GPATCH2L: variants seen among roughly 807,000 people sequenced by gnomAD.
GPATCH2L encodes G patch domain-containing protein 2-like.
Under a neutral mutation model 57.4 loss-of-function variants are expected in GPATCH2L, and 31 were observed. The ratio of observed to expected loss-of-function variants is 0.54; its 90% CI spans 0.41 to 0.73. The LOEUF is 0.73. GPATCH2L is among the 30% of genes least tolerant of loss of function. The probability of loss-of-function intolerance (pLI) is 0.00; values close to 1 mark genes in which losing one functional copy is unlikely to be tolerated. For synonymous variants in GPATCH2L, 199 were observed against 210.7 expected (o/e 0.94, Z 0.48); for missense variants, 481 against 599.9 (o/e 0.80, Z 2.07).
At position 76,208,096 on chromosome 14, in the gene GPATCH2L, A is replaced by G. The variant is rs752096602; in HGVS notation, c.*6245A>G. 1 of 152,192 alleles carries G rather than the reference A, an allele frequency of 6.6e-6. No individual in the cohort carries two copies. The highest frequency in any genetic ancestry group is 6.5e-5 in the Admixed American group (1 of 15,270). The allele number at this position is 152,192 out of a possible 1,614,324, so 9.4% of individuals were successfully genotyped here. A position where few individuals can be genotyped will look rare whatever the true frequency, so the allele number is the denominator to read the frequency against. ...CAGTTAAAACTACCTCTGGCCAAAA[A>G]TGTTAGTGTTACTAGATATTATCAA... On this transcript the variant is annotated 3_prime_UTR_variant, in exon 10 of 10. Transcript: ENST00000261530.
At chr14:76,233,733 T>TA (rs766434380) in intron 2 of GPATCH2L, among the ~76,000 whole-genome samples, 5 of 152,256 alleles carry the variant, frequency 3.3e-5, no homozygotes, top group Admixed American at 6.5e-5. Flanking sequence ...GATAAGTCCT[T>TA]AATGTCATCA....
rs894028699 is a variant in GPATCH2L, at chr14:76,203,380, G to A, written c.*1529G>A. ...GGTGTAGATGATGGGACGGGAAAGT[G>A]CTGAAACCAGCCCAGCAGACCTGTG... On this transcript the variant is annotated 3_prime_UTR_variant, in exon 10 of 10. Coordinates refer to ENST00000261530, the MANE Select transcript of GPATCH2L (RefSeq NM_017926.4). The A allele has an allele frequency of 6.6e-6, 1 of 152,120 alleles. No homozygotes were observed. The highest frequency in any genetic ancestry group is 1.5e-5 in the Non-Finnish European group (1 of 68,024). 9.4% of individuals were successfully genotyped at this position (152,120 alleles called of 1,614,324 possible).
In GPATCH2L at chr14:76,154,852, T is replaced by C. The variant is rs550282443; in HGVS notation, c.489T>C (p.Ala163=). Residue 163 remains alanine (A), a synonymous_variant, in exon 2 of 10, where the codon GCT becomes GCC. Transcript: ENST00000261530. The surrounding 1 kb of genome is among the most constrained non-coding windows in gnomAD (Gnocchi z 4.4). ...AGAGAGGCTGCAGGTTCAAGTCTGC[T>C]AAGAAGCAGCGTCTGTCCCGCTGGA... The part of the protein sequence containing the change: ...SYERGCRFKS[A]KKQRLSRWKE... 6.2e-7 allele frequency: 1 copy of C among 1,614,190 alleles called. No individual in the cohort carries two copies. Among genetic ancestry groups the C allele is most frequent in the African/African-American group, 1.3e-5 (1 of 75,058 alleles).
At chr14:76,173,016 A>T (rs1396103221) in intron 4 of GPATCH2L, among the ~76,000 whole-genome samples, 2 of 152,202 alleles carry the variant, frequency 1.3e-5, no homozygotes, top group African/African-American at 4.8e-5. Flanking sequence ...AATGGCCTAT[A>T]ATCTCATATC....
At chr14:76,217,014 G>T (rs1019402991), downstream of GPATCH2L, among the ~76,000 whole-genome samples, 1 of 152,030 alleles carries the variant, frequency 6.6e-6, no homozygotes, top group Non-Finnish European at 1.5e-5. Context: ...GGAAAAAGTG[G>T]ATCTGTTTCT....
intron 9 of GPATCH2L, among the ~76,000 whole-genome samples, chr14:76,200,212 C>T (rs2040275190): frequency 6.6e-6 from 1 of 151,974 alleles, no homozygotes; most frequent in South Asian, 2.1e-4. Flanking sequence ...TACAGAGTTT[C>T]CATTTGAGAT....
At chr14:76,214,735 T>C (rs1013662523), downstream of GPATCH2L, among the ~76,000 whole-genome samples, 1 of 152,220 alleles carries the variant, frequency 6.6e-6, no homozygotes, top group Non-Finnish European at 1.5e-5. Context: ...CCACCTGTTT[T>C]CGGGGGACAC....
chr14:76,166,774 A>G (rs767789682), intron 3 of GPATCH2L, 47 bp downstream of exon 3: 2 of 1,249,906 alleles, frequency 1.6e-6, no homozygotes, highest in African/African-American at 1.5e-5. Context: ...GTTTATGGAA[A>G]TATTTGAATA....
chr14:76,167,882 A>G (rs2038916558), intron 3 of GPATCH2L, among the ~76,000 whole-genome samples: 1 of 152,192 alleles, frequency 6.6e-6, no homozygotes, highest in African/African-American at 2.4e-5. Flanking sequence ...TTGCTTTTCT[A>G]CAGTGCTAAG....
intron 2 of GPATCH2L, among the ~76,000 whole-genome samples, chr14:76,157,213 C>T (rs989596313): frequency 6.6e-6 from 1 of 152,188 alleles, no homozygotes; most frequent in African/African-American, 2.4e-5. Context: ...TAGTTACAAA[C>T]AGAAGTGCTT....
Position 76,201,673 on chromosome 14 carries a change from C to T in GPATCH2L, c.1289-18C>T. The T allele has an allele frequency of 6.4e-7, 1 of 1,566,110 alleles. No homozygotes were observed. Among genetic ancestry groups the T allele is most frequent in the Non-Finnish European group, 8.6e-7 (1 of 1,157,592 alleles). On this transcript the variant is annotated intron_variant, in intron 9 of 9. Transcript: ENST00000261530. Reference sequence around the variant, plus strand: ...TCTCCCCTTGATGTTTTGCTCCTCTCTGTTGTAACCTTACTAGTTCACATG... The same window carrying T: ...TCTCCCCTTGATGTTTTGCTCCTCTTTGTTGTAACCTTACTAGTTCACATG...
intron 2 of GPATCH2L, among the ~76,000 whole-genome samples, chr14:76,233,787 T>C (rs7161195): frequency 0.012 from 1,822 of 152,292 alleles, 39 homozygotes; most frequent in African/African-American, 0.042. Context: ...TCATAAATAA[T>C]AGGGTTTTTT....
downstream of GPATCH2L, among the ~76,000 whole-genome samples, chr14:76,218,921 A>T (rs1334943137): frequency 6.6e-6 from 1 of 151,258 alleles, no homozygotes; most frequent in Non-Finnish European, 1.5e-5. Flanking sequence ...GTTAAGTTGG[A>T]TCTATACTTC....
chr14:76,231,649 A>ACACACT (rs1389586177), intron 2 of GPATCH2L, among the ~76,000 whole-genome samples: 1 of 149,764 alleles, frequency 6.7e-6, no homozygotes, highest in East Asian at 2.0e-4. Context: ...ACACACACAC[A>ACACACT]CTCTTCTGGT....
In GPATCH2L at chr14:76,208,044, A is replaced by T. The variant is rs946717089; in HGVS notation, c.*6193A>T. On this transcript the variant is annotated 3_prime_UTR_variant, in exon 10 of 10. Transcript: ENST00000261530. ...TTCAATTTTTGCAGTCTTTTAAAAC[A>T]CCACACTTCTTTTCCATCTTGAAGA... The T allele has an allele frequency of 6.6e-6, 1 of 152,160 alleles. No individual in the cohort carries two copies. Among genetic ancestry groups the T allele is most frequent in the Non-Finnish European group, 1.5e-5 (1 of 68,034 alleles). 9.4% of individuals were successfully genotyped at this position (152,160 alleles called of 1,614,324 possible).
At chr14:76,222,615 A>C (rs2040520136) in intron 1 of GPATCH2L, among the ~76,000 whole-genome samples, 1 of 152,034 alleles carries the variant, frequency 6.6e-6, no homozygotes, top group Admixed American at 6.6e-5. Flanking sequence ...AACAACAACA[A>C]ACCCAAAAGA....
chr14:76,215,593 A>T (rs2139855228), downstream of GPATCH2L, among the ~76,000 whole-genome samples: 2 of 152,012 alleles, frequency 1.3e-5, no homozygotes, highest in African/African-American at 4.8e-5. Context: ...GCCATAAAAA[A>T]TGAGGAGTTC....
intron 2 of GPATCH2L, among the ~76,000 whole-genome samples, chr14:76,162,652 T>G (rs1441357516): frequency 6.6e-6 from 1 of 152,208 alleles, no homozygotes; most frequent in East Asian, 1.9e-4. Flanking sequence ...CAGACTGATA[T>G]TTCCCCTGAA....
chr14:76,228,623 C>A (rs989810213), intron 1 of GPATCH2L, among the ~76,000 whole-genome samples: 3 of 152,164 alleles, frequency 2.0e-5, no homozygotes, highest in Non-Finnish European at 2.9e-5. Context: ...TCAGCACAGC[C>A]CGTAGACTGT....
Sources: allele counts gnomAD v4.1 joint callset (sites outside exome capture counted in the v4.1 genomes callset), GRCh38; gene constraint gnomAD v4.1.1; non-coding constraint Gnocchi (gnomAD v3.1); transcripts MANE v1.5; gene names NCBI Gene and HGNC (gene_info 2026-07-23, HGNC 2026-07-21).